TMEM150C: variants seen among roughly 807,000 people sequenced by gnomAD.
The protein encoded by TMEM150C is tentonin 3.
In TMEM150C, 10 loss-of-function variants were observed where a neutral mutation model predicts 29.9. The observed-to-expected ratio is 0.33, with a 90% CI of 0.21 to 0.57. The LOEUF (loss-of-function observed/expected upper bound fraction) is 0.57. Ranked by LOEUF, TMEM150C falls within the 20% of genes least tolerant of loss-of-function variation. The pLI is 0.88. For missense variants in TMEM150C, 251 were observed against 303.6 expected (o/e 0.83, Z 1.29); for synonymous variants, 101 against 112.5 (o/e 0.90, Z 0.64).
chr4:82,502,999 G>A, intron 3 of TMEM150C, 60 bp downstream of exon 3: 6 of 1,602,560 alleles, frequency 3.7e-6, no homozygotes, highest in Non-Finnish European at 5.1e-6. Flanking sequence ...AACCTTCCCA[G>A]TGGGAAAGTT....
intron 4 of TMEM150C, 30 bp from the exon 5 acceptor site, chr4:82,502,824 C>T (rs944950226): frequency 6.3e-7 from 1 of 1,589,070 alleles, no homozygotes; most frequent in East Asian, 2.3e-5. Flanking sequence ...TTTATAGTTA[C>T]TATATCAAAA....
chr4:82,541,799 T>C (rs1725210043), intron 1 of TMEM150C, among the ~76,000 whole-genome samples: 2 of 152,180 alleles, frequency 1.3e-5, no homozygotes, highest in African/African-American at 4.8e-5. Flanking sequence ...ACAGCCCAAG[T>C]CTCATGTATT....
intron 1 of TMEM150C, among the ~76,000 whole-genome samples, chr4:82,538,196 T>A (rs1725074896): frequency 6.6e-6 from 1 of 152,166 alleles, no homozygotes; most frequent in Admixed American, 6.5e-5. Context: ...TAGCTGGCAC[T>A]ACAGGTACCC....
chr4:82,526,961 G>A (rs1021773527), intron 1 of TMEM150C, among the ~76,000 whole-genome samples: 2 of 148,692 alleles, frequency 1.3e-5, no homozygotes, highest in Non-Finnish European at 3.0e-5. Context: ...TTCCAGAACC[G>A]ATTCCACTGT....
rs117955426 is a variant in TMEM150C at position 82,521,438 on chromosome 4, G to C, written c.-10-16771C>G. ...AAAGCAAAACAAAAGCAGAAGCCTT[G>C]GCTAAGGGAACAGAAATGTAAACAA... is the stretch of plus-strand genomic sequence containing the variant. On this transcript the variant is annotated intron_variant, in intron 1 of 7. Transcript: ENST00000449862. Among the ~76,000 whole-genome samples the C allele has an allele frequency of 6.1e-4, 93 of 152,344 alleles. 1 individual carries two copies. The East Asian group carries it at 0.015, about 25-fold the overall frequency.
At chr4:82,532,525 T>C (rs1475147235) in intron 1 of TMEM150C, among the ~76,000 whole-genome samples, 1 of 152,160 alleles carries the variant, frequency 6.6e-6, no homozygotes, top group Non-Finnish European at 1.5e-5. Context: ...AAAATTAAAA[T>C]ATCAAGTGTC....
Position 82,491,206 on chromosome 4 carries a change from C to T in TMEM150C, c.364-968G>A, listed in dbSNP as rs2110062936. 7.2e-6 allele frequency: 5 copies of T among 691,658 alleles called. No individual in the cohort carries two copies. In the East Asian group the frequency reaches 1.1e-4, roughly 15 times the overall value. 42.8% of individuals were successfully genotyped at this position (691,658 alleles called of 1,614,324 possible). On this transcript the variant is annotated intron_variant, in intron 6 of 7. Coordinates refer to ENST00000449862, the MANE Select transcript of TMEM150C (RefSeq NM_001080506.3). ...TCCACCAAGGTGGTGACAGTGTTAA[C>T]TCCTACTCGAAGGGCAGGTGGTCTC...
intron 6 of TMEM150C, among the ~76,000 whole-genome samples, chr4:82,494,261 A>G (rs984688109): frequency 6.6e-6 from 1 of 152,350 alleles, no homozygotes; most frequent in East Asian, 1.9e-4. Flanking sequence ...CCACTGTCAT[A>G]GTACAGAGGT....
At position 82,495,185 on chromosome 4, in the gene TMEM150C, G is replaced by T; in HGVS notation, c.363+883C>A. On this transcript the variant is annotated intron_variant, in intron 6 of 7. Coordinates refer to ENST00000449862, the MANE Select transcript of TMEM150C (RefSeq NM_001080506.3). Reference sequence around the variant, plus strand: ...TGACCAGGCGCGGTGGCTCAGGCCTGTAATCCCAGCAACTTGGGAGGCCGA... The same window carrying T: ...TGACCAGGCGCGGTGGCTCAGGCCTTTAATCCCAGCAACTTGGGAGGCCGA... The T allele has an allele frequency of 1.1e-5, 4 of 351,976 alleles. No individual in the cohort carries two copies. In the South Asian group the frequency reaches 1.5e-4, roughly 13 times the overall value. The allele number at this position is 351,976 out of a possible 1,614,324, so 21.8% of individuals were successfully genotyped here. A position where few individuals can be genotyped will look rare whatever the true frequency, so the allele number is the denominator to read the frequency against.
chr4:82,526,437 A>G (rs1389725328), intron 1 of TMEM150C, among the ~76,000 whole-genome samples: 1 of 152,210 alleles, frequency 6.6e-6, no homozygotes, highest in African/African-American at 2.4e-5. Context: ...TTGGGAAATA[A>G]TAACAACAAC....
rs1319463081 is a variant in TMEM150C at position 82,483,499 on chromosome 4, T to C, written c.*2012A>G. 1 of 152,218 alleles carries C rather than the reference T, an allele frequency of 6.6e-6. No homozygotes were observed. Among genetic ancestry groups the C allele is most frequent in the Non-Finnish European group, 1.5e-5 (1 of 68,040 alleles). 9.4% of individuals were successfully genotyped at this position (152,218 alleles called of 1,614,324 possible). A position where few individuals can be genotyped will look rare whatever the true frequency, so the allele number is the denominator to read the frequency against. The stretch of plus-strand genomic sequence containing the variant: ...TCAGCTTGTTCTTTTCCTCACATTT[T>C]ACTTACAGGGATTCTCACTCCCCCA... On this transcript the variant is annotated 3_prime_UTR_variant, in exon 8 of 8. Transcript: ENST00000449862.
intron 1 of TMEM150C, among the ~76,000 whole-genome samples, chr4:82,546,896 CAA>C (rs1193721186): frequency 3.9e-5 from 6 of 152,010 alleles, no homozygotes; most frequent in African/African-American, 1.4e-4. Context: ...AAAATTAACT[CAA>C]GATGGATTAA....
chr4:82,530,159 A>G (rs1409734315), intron 1 of TMEM150C, among the ~76,000 whole-genome samples: 2 of 151,934 alleles, frequency 1.3e-5, no homozygotes, highest in Non-Finnish European at 1.5e-5. Context: ...GAGGGATGGA[A>G]GAAACAAGAG....
intron 1 of TMEM150C, among the ~76,000 whole-genome samples, chr4:82,515,490 G>A: frequency 6.6e-6 from 1 of 152,036 alleles, no homozygotes. Flanking sequence ...TGTAATCCCA[G>A]CACTTTGGGA....
chr4:82,517,492 T>C (rs2868379), intron 1 of TMEM150C, among the ~76,000 whole-genome samples: 13,258 of 152,146 alleles, frequency 0.087, 685 homozygotes, highest in Middle Eastern at 0.25. Flanking sequence ...CATCACCCAA[T>C]CCATTGAGGG....
At chr4:82,557,740 T>C (rs1023150081) in intron 1 of TMEM150C, among the ~76,000 whole-genome samples, 21 of 150,226 alleles carry the variant, frequency 1.4e-4, no homozygotes, top group South Asian at 4.2e-4. Flanking sequence ...TTTTCTTTTT[T>C]TTTTTTTTTT....
At chr4:82,546,841 A>G (rs1398107296) in intron 1 of TMEM150C, among the ~76,000 whole-genome samples, 2 of 152,086 alleles carry the variant, frequency 1.3e-5, no homozygotes, top group African/African-American at 2.4e-5. Context: ...ATAAATAAAT[A>G]AAATAAAATA....
At position 82,483,811 on chromosome 4, in the gene TMEM150C, T is replaced by C. The variant is rs1723073329; in HGVS notation, c.*1700A>G. 6.7e-6 allele frequency: 1 copy of C among 148,716 alleles called. No homozygotes were observed. The highest frequency in any genetic ancestry group is 2.1e-4 in the South Asian group (1 of 4,710). 9.2% of individuals were successfully genotyped at this position (148,716 alleles called of 1,614,324 possible). A position where few individuals can be genotyped will look rare whatever the true frequency, so the allele number is the denominator to read the frequency against. On this transcript the variant is annotated 3_prime_UTR_variant, in exon 8 of 8. Coordinates refer to ENST00000449862, the MANE Select transcript of TMEM150C (RefSeq NM_001080506.3). Reference sequence around the variant, plus strand: ...TTCTTTTTTTCTTTTTTTTTTGAGATGGAGTTTTTAGCTCTTTTTGCCCAG... The same window carrying C: ...TTCTTTTTTTCTTTTTTTTTTGAGACGGAGTTTTTAGCTCTTTTTGCCCAG...
intron 1 of TMEM150C, among the ~76,000 whole-genome samples, chr4:82,519,949 C>T (rs1411518540): frequency 2.0e-5 from 3 of 152,148 alleles, no homozygotes; most frequent in East Asian, 3.9e-4. Flanking sequence ...AAAGTGAAAC[C>T]GCTGATAAAG....
Sources: allele counts gnomAD v4.1 joint callset (sites outside exome capture counted in the v4.1 genomes callset), GRCh38; gene constraint gnomAD v4.1.1; transcripts MANE v1.5; gene names NCBI Gene and HGNC (gene_info 2026-07-23, HGNC 2026-07-21).